NCKAP5: variants seen among roughly 807,000 people sequenced by gnomAD.
The protein encoded by NCKAP5 is NCK associated protein 5, also known as nck-associated protein 5.
A neutral mutation model predicts 167.0 loss-of-function variants in NCKAP5; 92 were observed. That is an observed-to-expected ratio of 0.55 (90% CI 0.47 to 0.66). The LOEUF is 0.66. NCKAP5 is among the 30% of genes least tolerant of loss of function. The pLI, the probability that NCKAP5 is intolerant of heterozygous loss-of-function variation, is 0.00. For missense variants in NCKAP5, 2,378 were observed against 2,315.0 expected (o/e 1.03, Z -0.56); for synonymous variants, 891 against 877.4 (o/e 1.02, Z -0.27).
At chr2:133,555,781 T>A (rs1450785341) in intron 2 of NCKAP5, among the ~76,000 whole-genome samples, 1 of 152,196 alleles carries the variant, frequency 6.6e-6, no homozygotes, top group Non-Finnish European at 1.5e-5. Flanking sequence ...TCTTAACATA[T>A]ATGTGTATAT....
intron 19 of NCKAP5, among the ~76,000 whole-genome samples, chr2:132,704,779 A>G (rs1031066953): frequency 3.9e-5 from 6 of 152,060 alleles, no homozygotes; most frequent in African/African-American, 1.4e-4. Context: ...CACTAACAAA[A>G]CCTAACTGTG....
intron 11 of NCKAP5, among the ~76,000 whole-genome samples, chr2:132,808,589 G>A (rs952115895): frequency 1.3e-5 from 2 of 152,104 alleles, no homozygotes; most frequent in African/African-American, 4.8e-5. Flanking sequence ...TTGTATTTCA[G>A]TGGCGTCAGT....
At chr2:133,225,156 T>C (rs2086826879) in intron 4 of NCKAP5, among the ~76,000 whole-genome samples, 1 of 152,174 alleles carries the variant, frequency 6.6e-6, no homozygotes, top group South Asian at 2.1e-4. Context: ...TTATTAATAA[T>C]GTTCAAGTTG....
chr2:132,818,557 G>A (rs140192669), intron 11 of NCKAP5, among the ~76,000 whole-genome samples: 6,136 of 152,224 alleles, frequency 0.04, 281 homozygotes, highest in East Asian at 0.13. Context: ...GCATGGTGGC[G>A]TGCGCCTGTA....
chr2:132,831,833 TA>T (rs1447265311), intron 11 of NCKAP5, among the ~76,000 whole-genome samples: 1 of 152,156 alleles, frequency 6.6e-6, no homozygotes, highest in Non-Finnish European at 1.5e-5. Flanking sequence ...CATACTCTGA[TA>T]TTTTATATGT....
intron 16 of NCKAP5, among the ~76,000 whole-genome samples, chr2:132,748,245 C>A (rs1205090025): frequency 6.6e-6 from 1 of 152,178 alleles, no homozygotes; most frequent in South Asian, 2.1e-4. Flanking sequence ...TCTATACCTC[C>A]AACCACCTGT....
intron 3 of NCKAP5, among the ~76,000 whole-genome samples, chr2:133,468,513 G>C (rs1692779458): frequency 6.6e-6 from 1 of 151,986 alleles, no homozygotes; most frequent in Non-Finnish European, 1.5e-5. Flanking sequence ...GAGTTCTGTA[G>C]ATGTCTATTA....
At chr2:132,712,651 C>T in intron 19 of NCKAP5, among the ~76,000 whole-genome samples, 1 of 150,930 alleles carries the variant, frequency 6.6e-6, no homozygotes, top group East Asian at 1.9e-4. Flanking sequence ...GATTCTGTCT[C>T]AAAAAAAGAA....
intron 5 of NCKAP5, among the ~76,000 whole-genome samples, chr2:133,152,901 G>A (rs545946470): frequency 6.6e-6 from 1 of 152,296 alleles, no homozygotes; most frequent in East Asian, 1.9e-4. Flanking sequence ...TGTAGCCCAG[G>A]AGCATGAGGC....
chr2:132,912,120 CTGGCCTGTGG>C (rs1261796111), intron 8 of NCKAP5, among the ~76,000 whole-genome samples: 1 of 151,908 alleles, frequency 6.6e-6, no homozygotes, highest in Non-Finnish European at 1.5e-5. Context: ...AAGTCAGATG[CTGGCCTGTGG>C]TGACTATGTG....
Position 132,822,671 on chromosome 2 carries a change from T to C in NCKAP5, c.808-25942A>G, listed in dbSNP as rs981753907. Among the ~76,000 whole-genome samples the C allele has an allele frequency of 6.6e-5, 10 of 152,132 alleles. No individual in the cohort carries two copies. The East Asian group carries it at 1.9e-3, about 29-fold the overall frequency. ...AGGGTTCTATAACAAGCCCAAAAGA[T>C]CACACCAGCTCCCCAGCAATGGATC... On this transcript the variant is annotated intron_variant, in intron 11 of 19. Transcript: ENST00000409261.
intron 6 of NCKAP5, among the ~76,000 whole-genome samples, chr2:133,100,735 T>G (rs1574029878): frequency 6.6e-6 from 1 of 152,212 alleles, no homozygotes; most frequent in East Asian, 1.9e-4. Context: ...ATTTAAGCAG[T>G]TTAAATGCAC....
At chr2:133,608,664 A>G in the NCKAP5 span, among the ~76,000 whole-genome samples, 2 of 152,204 alleles carry the variant, frequency 1.3e-5, no homozygotes. Flanking sequence ...GTTTTGTTTG[A>G]GCCTCAATAA....
chr2:132,871,873 T>A (rs1453080688), intron 9 of NCKAP5, among the ~76,000 whole-genome samples: 1 of 152,248 alleles, frequency 6.6e-6, no homozygotes, highest in African/African-American at 2.4e-5. Context: ...GGTTTTGTTA[T>A]CGCTTTTAAC....
At chr2:133,128,789 G>A (rs2082489338) in intron 6 of NCKAP5, among the ~76,000 whole-genome samples, 1 of 152,054 alleles carries the variant, frequency 6.6e-6, no homozygotes, top group Admixed American at 6.5e-5. Flanking sequence ...GTAGAGATGA[G>A]GCTTTGCCAT....
At chr2:133,468,701 G>A (rs1169563142) in intron 3 of NCKAP5, among the ~76,000 whole-genome samples, 1 of 152,112 alleles carries the variant, frequency 6.6e-6, no homozygotes, top group Non-Finnish European at 1.5e-5. Context: ...CTCCTGTATT[G>A]GGTGCATATA....
intron 3 of NCKAP5, among the ~76,000 whole-genome samples, chr2:133,306,921 T>C (rs1680819259): frequency 2.0e-5 from 3 of 152,324 alleles, no homozygotes; most frequent in Admixed American, 6.5e-5. Flanking sequence ...ATCATTCAGT[T>C]AGTGAAGAGC....
chr2:133,460,443 C>T (rs562190756), intron 3 of NCKAP5, among the ~76,000 whole-genome samples: 1 of 152,110 alleles, frequency 6.6e-6, no homozygotes, highest in Non-Finnish European at 1.5e-5. Context: ...CTGTAAATAT[C>T]TTATTACTAC....
At chr2:133,195,138 G>C (rs1008270555) in intron 5 of NCKAP5, among the ~76,000 whole-genome samples, 3 of 152,102 alleles carry the variant, frequency 2.0e-5, no homozygotes, top group Non-Finnish European at 2.9e-5. Flanking sequence ...TCACTTACTT[G>C]TGCACGAACT....
Sources: allele counts gnomAD v4.1 joint callset (sites outside exome capture counted in the v4.1 genomes callset), GRCh38; gene constraint gnomAD v4.1.1; transcripts MANE v1.5; gene names NCBI Gene and HGNC (gene_info 2026-07-23, HGNC 2026-07-21).